The following NDUFA10 variants were observed in gnomAD, a reference collection of about 807,000 sequenced individuals.
NDUFA10 encodes the protein NADH dehydrogenase [ubiquinone] 1 alpha subcomplex subunit 10, mitochondrial.
In NDUFA10, 40 loss-of-function variants were observed where a neutral mutation model predicts 47.8. That is an observed-to-expected ratio of 0.84 (90% CI 0.65 to 1.09). The LOEUF is 1.09. Ranked by LOEUF, NDUFA10 falls within the 50% of genes least tolerant of loss-of-function variation. NDUFA10 has a pLI of 0.00. For synonymous variants in NDUFA10, 183 were observed against 172.2 expected (o/e 1.06, Z -0.49); for missense variants, 413 against 451.1 (o/e 0.92, Z 0.76).
chr2:239,972,138 T>C (rs920073851), intron 9 of NDUFA10, among the ~76,000 whole-genome samples: 1 of 3,880 alleles, frequency 2.6e-4, no homozygotes, highest in Admixed American at 4.2e-3. Flanking sequence ...TCATGAAGGA[T>C]GTGTGTGTGT....
At chr2:239,954,871 C>T (rs1694622383), downstream of NDUFA10, among the ~76,000 whole-genome samples, 1 of 152,204 alleles carries the variant, frequency 6.6e-6, no homozygotes, top group African/African-American at 2.4e-5. Flanking sequence ...AGTGTGAGTC[C>T]TGCGTTCTCA....
chr2:239,938,105 G>A (rs1694297538), intron 4 of NDUFA10, among the ~76,000 whole-genome samples: 1 of 152,118 alleles, frequency 6.6e-6, no homozygotes, highest in Admixed American at 6.5e-5. Context: ...CCCAGTGCTC[G>A]GCCGCAACCC....
chr2:239,974,714 G>A (rs1201796710), intron 9 of NDUFA10, among the ~76,000 whole-genome samples: 2 of 152,204 alleles, frequency 1.3e-5, no homozygotes, highest in South Asian at 2.1e-4. Context: ...TTAAAAATAC[G>A]TGACACTCCG....
chr2:239,961,089 T>C lies in NDUFA10; in HGVS notation c.*29A>G. ...GGCTGATGCAGCTTGGCCATCACTGTGATGCAGCTGGAGCAGAAGGCGGCC... is the reference window on the plus strand; with the variant it reads ...GGCTGATGCAGCTTGGCCATCACTGCGATGCAGCTGGAGCAGAAGGCGGCC... On this transcript the variant is annotated 3_prime_UTR_variant, in exon 10 of 10. Coordinates refer to ENST00000252711, the MANE Select transcript of NDUFA10 (RefSeq NM_004544.4). 6.2e-7 allele frequency: 1 copy of C among 1,613,956 alleles called. No individual in the cohort carries two copies. The highest frequency in any genetic ancestry group is 8.5e-7 in the Non-Finnish European group (1 of 1,179,950).
chr2:239,971,838 C>T (rs1048767449), intron 9 of NDUFA10, among the ~76,000 whole-genome samples: 1 of 152,178 alleles, frequency 6.6e-6, no homozygotes, highest in South Asian at 2.1e-4. Flanking sequence ...CAATCACATA[C>T]TACTTATACG....
intron 9 of NDUFA10, among the ~76,000 whole-genome samples, chr2:239,979,605 G>A (rs1379736336): frequency 1.3e-5 from 2 of 151,980 alleles, no homozygotes; most frequent in African/African-American, 4.8e-5. Flanking sequence ...AAGAGACAGT[G>A]CCTACTCTCA....
intron 8 of NDUFA10, among the ~76,000 whole-genome samples, chr2:239,996,225 G>A (rs1376103109): frequency 6.6e-6 from 1 of 151,590 alleles, no homozygotes; most frequent in Non-Finnish European, 1.5e-5. Flanking sequence ...CAACACTCCA[G>A]CAACAGCAGA....
rs1373283866 is a variant in NDUFA10 at position 239,906,771 on chromosome 2, A to C, written c.295-11457T>G. Reference sequence around the variant, plus strand: ...ATGAAATAAAAGAGGACACAAACAAATGGAAGAATATTCCATGCTCATGGA... The same window carrying C: ...ATGAAATAAAAGAGGACACAAACAACTGGAAGAATATTCCATGCTCATGGA... On this transcript the variant is annotated intron_variant, in intron 4 of 5. Transcript: ENST00000419408. This position sits in a 1 kb window ranked among gnomAD's most constrained non-coding sequence, Gnocchi z 4.3. 2.0e-5 allele frequency among the ~76,000 whole-genome samples: 3 copies of C among 152,212 alleles called. No homozygotes were observed. Among genetic ancestry groups the C allele is most frequent in the African/African-American group, 7.2e-5 (3 of 41,456 alleles).
intron 9 of NDUFA10, among the ~76,000 whole-genome samples, chr2:239,981,105 G>A (rs1226556988): frequency 1.3e-5 from 2 of 152,242 alleles, no homozygotes; most frequent in Non-Finnish European, 2.9e-5. Flanking sequence ...GAGTAGGGCT[G>A]CCAGGACTGA....
intron 4 of NDUFA10, among the ~76,000 whole-genome samples, chr2:239,933,890 C>T (rs767759041): frequency 6.6e-6 from 1 of 152,168 alleles, no homozygotes; most frequent in African/African-American, 2.4e-5. Context: ...GGGCGTCTCA[C>T]TCTGTCACCC....
chr2:240,008,287 C>T (rs989767314), intron 6 of NDUFA10, among the ~76,000 whole-genome samples: 1 of 152,152 alleles, frequency 6.6e-6, no homozygotes, highest in Non-Finnish European at 1.5e-5. Context: ...GATCACTGCA[C>T]TCCTCACAGC....
intron 4 of NDUFA10, among the ~76,000 whole-genome samples, chr2:239,905,336 G>A (rs1413214386): frequency 1.3e-5 from 2 of 152,184 alleles, no homozygotes; most frequent in Non-Finnish European, 2.9e-5. Flanking sequence ...GGTGTTCTTG[G>A]TCCTCCCGGC....
chr2:239,896,365 A>T (rs1249720878), intron 4 of NDUFA10, among the ~76,000 whole-genome samples: 4 of 152,232 alleles, frequency 2.6e-5, no homozygotes, highest in Admixed American at 1.3e-4. Context: ...TCTTAAGTGC[A>T]AGGCCCCATG....
intron 9 of NDUFA10, among the ~76,000 whole-genome samples, chr2:239,963,114 G>A (rs896417470): frequency 6.6e-6 from 1 of 152,160 alleles, no homozygotes; most frequent in Non-Finnish European, 1.5e-5. Context: ...GGATACAGAC[G>A]GTTTTGTTTG....
intron 6 of NDUFA10, among the ~76,000 whole-genome samples, chr2:240,011,205 G>C (rs1044260432): frequency 2.0e-5 from 3 of 152,198 alleles, no homozygotes; most frequent in Non-Finnish European, 2.9e-5. Context: ...AATTAAGAAT[G>C]TCTAGAGAAA....
Position 239,986,721 on chromosome 2 carries a change from A to G in NDUFA10, c.999+3353T>C, listed in dbSNP as rs574970395. ...TTATAATTTGGCAATCATCATAGTA[A>G]TAATTTAGCCAAGAAAATCAATGGA... On this transcript the variant is annotated intron_variant, in intron 9 of 9. Coordinates refer to ENST00000252711, the MANE Select transcript of NDUFA10 (RefSeq NM_004544.4). Among the ~76,000 whole-genome samples, 5 of 152,366 alleles carry G rather than the reference A, an allele frequency of 3.3e-5. No homozygotes were observed. The South Asian group carries it at 1.0e-3, about 32-fold the overall frequency.
At chr2:239,895,947 T>A (rs1438480427) in intron 4 of NDUFA10, among the ~76,000 whole-genome samples, 1 of 150,706 alleles carries the variant, frequency 6.6e-6, no homozygotes, top group Non-Finnish European at 1.5e-5. Context: ...GTTTTCAGTG[T>A]AAGTGCTTGG....
intron 8 of NDUFA10, among the ~76,000 whole-genome samples, chr2:239,996,145 C>G (rs1348135379): frequency 6.6e-6 from 1 of 152,100 alleles, no homozygotes; most frequent in Non-Finnish European, 1.5e-5. Flanking sequence ...ATGGACCCAG[C>G]AGAGAGAAAA....
chr2:239,959,675 G>C lies in NDUFA10; in HGVS notation c.*1443C>G, dbSNP rs1268048428. The C allele has an allele frequency of 1.1e-6, 1 of 914,414 alleles. No individual in the cohort carries two copies. The highest frequency in any genetic ancestry group is 1.3e-6 in the Non-Finnish European group (1 of 768,070). 56.6% of individuals were successfully genotyped at this position (914,414 alleles called of 1,614,324 possible). A position where few individuals can be genotyped will look rare whatever the true frequency, so the allele number is the denominator to read the frequency against. ...GAAAACAAGGACAGACGGAAGGAAG[G>C]AAGGAAGAGAAGGAGGGAAGGAAAG... On this transcript the variant is annotated 3_prime_UTR_variant, in exon 10 of 10. Transcript: ENST00000252711.
Sources: allele counts gnomAD v4.1 joint callset (sites outside exome capture counted in the v4.1 genomes callset), GRCh38; gene constraint gnomAD v4.1.1; non-coding constraint Gnocchi (gnomAD v3.1); transcripts MANE v1.5; gene names NCBI Gene and HGNC (gene_info 2026-07-23, HGNC 2026-07-21).